KCTD8: variants seen among roughly 807,000 people sequenced by gnomAD.
KCTD8 encodes potassium channel tetramerization domain containing 8, also known as BTB/POZ domain-containing protein KCTD8.
A neutral mutation model predicts 31.5 loss-of-function variants in KCTD8; 27 were observed. That is an observed-to-expected ratio of 0.86 (90% CI 0.63 to 1.18). The LOEUF is 1.18. Ranked by LOEUF, KCTD8 falls within the 50% of genes most tolerant of loss-of-function variation. KCTD8 has a pLI of 0.00. For missense variants in KCTD8, 658 were observed against 647.7 expected, an observed-to-expected ratio of 1.02 and a Z score of -0.17; for synonymous variants, 290 against 280.0, an observed-to-expected ratio of 1.04 and a Z score of -0.36.
At chr4:44,199,501 C>A (rs1271057841) in intron 1 of KCTD8, among the ~76,000 whole-genome samples, 1 of 151,976 alleles carries the variant, frequency 6.6e-6, no homozygotes, top group Non-Finnish European at 1.5e-5. Flanking sequence ...ACCAATAAGA[C>A]CTCTCAAAAC....
At chr4:44,234,714 C>CCT (rs1458322231) in intron 1 of KCTD8, among the ~76,000 whole-genome samples, 6 of 152,222 alleles carry the variant, frequency 3.9e-5, no homozygotes, top group Middle Eastern at 3.4e-3. Context: ...ATGTAAGAGG[C>CCT]CTCTATAAGC....
At chr4:44,316,683 G>T (rs1007363845) in intron 1 of KCTD8, among the ~76,000 whole-genome samples, 1 of 150,154 alleles carries the variant, frequency 6.7e-6, no homozygotes, top group Non-Finnish European at 1.5e-5. Context: ...GGGCGTGGTG[G>T]CTCATGCCTG....
At position 44,447,989 on chromosome 4, in the gene KCTD8, G is replaced by C. The variant is rs761462882; in HGVS notation, c.535C>G (p.Leu179Val). ...VSQGSSDALL[L>V]RGAAAAVPSG... ...GGCACGGCGGCCGCCGCCCCGCGCAGCAGCAGCGCGTCGCTGCTACCCTGC... is the reference window on the plus strand; with the variant it reads ...GGCACGGCGGCCGCCGCCCCGCGCACCAGCAGCGCGTCGCTGCTACCCTGC... The change falls in exon 1 of 2, where the codon CTG (leucine) becomes GTG (valine). Residue 179 changes from leucine to valine, a missense_variant. Coordinates refer to ENST00000360029, the MANE Select transcript of KCTD8 (RefSeq NM_198353.3). 5.8e-6 allele frequency: 9 copies of C among 1,557,776 alleles called. No individual in the cohort carries two copies. The South Asian group carries it at 1.1e-4, about 18-fold the overall frequency.
intron 1 of KCTD8, among the ~76,000 whole-genome samples, chr4:44,185,820 T>C (rs1486783320): frequency 2.0e-5 from 3 of 152,130 alleles, no homozygotes; most frequent in African/African-American, 7.2e-5. Flanking sequence ...TTGTCTTAAA[T>C]AATGGTTATT....
At chr4:44,444,809 A>G (rs1000043265) in intron 1 of KCTD8, among the ~76,000 whole-genome samples, 1 of 142,892 alleles carries the variant, frequency 7.0e-6, no homozygotes, top group African/African-American at 2.5e-5. Context: ...TTGGGGGGGA[A>G]TAACATTGAT....
intron 1 of KCTD8, among the ~76,000 whole-genome samples, chr4:44,363,262 A>G (rs980176130): frequency 1.3e-5 from 2 of 152,138 alleles, no homozygotes; most frequent in African/African-American, 4.8e-5. Context: ...AAGCCATATC[A>G]AAGTTTTGGA....
chr4:44,293,692 T>A, intron 1 of KCTD8: 2 of 380,474 alleles, frequency 5.3e-6, no homozygotes, highest in Non-Finnish European at 5.1e-6. Flanking sequence ...ATGAGGGAAA[T>A]TTTTTAAAAC....
intron 1 of KCTD8, among the ~76,000 whole-genome samples, chr4:44,407,171 C>T (rs900299576): frequency 2.0e-5 from 3 of 152,042 alleles, no homozygotes; most frequent in Non-Finnish European, 2.9e-5. Flanking sequence ...TTATTTAAAA[C>T]ACAGATTGCA....
In KCTD8 at chr4:44,200,797, TC is replaced by T. The variant is rs1308415942; in HGVS notation, c.962-25548del. On this transcript the variant is annotated intron_variant, in intron 1 of 1. Coordinates refer to ENST00000360029, the MANE Select transcript of KCTD8 (RefSeq NM_198353.3). Reference sequence around the variant, plus strand: ...TTCCTATTCCACATAGTACTGAAAGTCCTAACCAGAGCAATCAGGTAAGAGA... The same window carrying T: ...TTCCTATTCCACATAGTACTGAAAGTCTAACCAGAGCAATCAGGTAAGAGA... Among the ~76,000 whole-genome samples, 4 of 151,918 alleles carry T rather than the reference TC, an allele frequency of 2.6e-5. No individual in the cohort carries two copies. In the East Asian group the frequency reaches 7.7e-4, roughly 29 times the overall value.
At chr4:44,196,535 T>A (rs1713946644) in intron 1 of KCTD8, among the ~76,000 whole-genome samples, 1 of 152,100 alleles carries the variant, frequency 6.6e-6, no homozygotes. Context: ...GAAACAAAGT[T>A]GGGAGTAAAT....
At chr4:44,230,330 A>G (rs1439821081) in intron 1 of KCTD8, among the ~76,000 whole-genome samples, 3 of 152,262 alleles carry the variant, frequency 2.0e-5, no homozygotes, top group African/African-American at 7.2e-5. Flanking sequence ...ACTTTACTAT[A>G]TAGCTAAAGA....
chr4:44,252,991 C>T (rs1488662125), intron 1 of KCTD8, among the ~76,000 whole-genome samples: 2 of 151,688 alleles, frequency 1.3e-5, no homozygotes, highest in Admixed American at 6.6e-5. Flanking sequence ...TGTATTGATT[C>T]CATTCACTGA....
intron 1 of KCTD8, among the ~76,000 whole-genome samples, chr4:44,392,388 T>C (rs1720396759): frequency 6.6e-6 from 1 of 152,004 alleles, no homozygotes; most frequent in East Asian, 1.9e-4. Flanking sequence ...GTTGACAATA[T>C]TTTTCCATAT....
intron 1 of KCTD8, among the ~76,000 whole-genome samples, chr4:44,178,362 C>T (rs1043196659): frequency 4.0e-5 from 6 of 151,826 alleles, no homozygotes; most frequent in African/African-American, 9.7e-5. Flanking sequence ...TATATGAAGC[C>T]GGGAGTGGTG....
chr4:44,234,142 C>G (rs1382934230), intron 1 of KCTD8, among the ~76,000 whole-genome samples: 1 of 152,112 alleles, frequency 6.6e-6, no homozygotes, highest in Non-Finnish European at 1.5e-5. Flanking sequence ...GTTACTCTTA[C>G]CAACGTCTAC....
intron 1 of KCTD8, among the ~76,000 whole-genome samples, chr4:44,254,887 C>G (rs1396219361): frequency 2.6e-5 from 4 of 151,762 alleles, no homozygotes; most frequent in Non-Finnish European, 5.9e-5. Context: ...ATATATCTAT[C>G]TGGGCTTATT....
intron 1 of KCTD8, among the ~76,000 whole-genome samples, chr4:44,417,140 A>G (rs954016572): frequency 6.6e-6 from 1 of 152,204 alleles, no homozygotes; most frequent in African/African-American, 2.4e-5. Context: ...CCAGAGTTCT[A>G]AACTGTAACC....
At position 44,328,277 on chromosome 4, in the gene KCTD8, C is replaced by A. The variant is rs531675281; in HGVS notation, c.961+119286G>T. ...AAAACAAACAGAAAGCAAACCAAATCATTGGTTAATTTGTTGACAGCATGG... is the reference window on the plus strand; with the variant it reads ...AAAACAAACAGAAAGCAAACCAAATAATTGGTTAATTTGTTGACAGCATGG... On this transcript the variant is annotated intron_variant, in intron 1 of 1. Coordinates refer to ENST00000360029, the MANE Select transcript of KCTD8 (RefSeq NM_198353.3). Among the ~76,000 whole-genome samples the A allele has an allele frequency of 3.3e-5, 5 of 152,040 alleles. No homozygotes were observed. The South Asian group carries it at 1.0e-3, about 31-fold the overall frequency.
intron 1 of KCTD8, among the ~76,000 whole-genome samples, chr4:44,225,698 T>A (rs1714936989): frequency 6.6e-6 from 1 of 152,142 alleles, no homozygotes; most frequent in Non-Finnish European, 1.5e-5. Context: ...ATATATATAT[T>A]TTTAATTTTA....
Sources: allele counts gnomAD v4.1 joint callset (sites outside exome capture counted in the v4.1 genomes callset), GRCh38; gene constraint gnomAD v4.1.1; transcripts MANE v1.5; gene names NCBI Gene and HGNC (gene_info 2026-07-23, HGNC 2026-07-21).